KCNG2: variants seen among roughly 807,000 people sequenced by gnomAD.
The protein encoded by KCNG2 is voltage-gated potassium channel regulatory subunit KCNG2.
Under a neutral mutation model 12.3 loss-of-function variants are expected in KCNG2, and 7 were observed. The ratio of observed to expected loss-of-function variants is 0.57; its 90% CI spans 0.32 to 1.07. The LOEUF (loss-of-function observed/expected upper bound fraction) is 1.07, where lower values mean the gene tolerates loss of function less well. KCNG2 is among the 50% of genes least tolerant of loss of function. The probability of loss-of-function intolerance (pLI) is 0.04; values close to 1 mark genes in which losing one functional copy is unlikely to be tolerated. For synonymous variants in KCNG2, 414 were observed against 351.4 expected (o/e 1.18, Z -1.99); for missense variants, 703 against 726.0 (o/e 0.97, Z 0.36).
intron 3 of KCNG2, among the ~76,000 whole-genome samples, chr18:79,873,272 G>A (rs1043622792): frequency 3.3e-5 from 5 of 152,126 alleles, no homozygotes; most frequent in African/African-American, 1.2e-4. Flanking sequence ...TTTCTTCTTC[G>A]TGGACTTTGT....
intron 1 of KCNG2, among the ~76,000 whole-genome samples, chr18:79,830,134 G>T (rs1555692040): frequency 6.6e-6 from 1 of 152,184 alleles, no homozygotes; most frequent in East Asian, 1.9e-4. Flanking sequence ...GATTCTGCAG[G>T]TCCACGGAGC....
At chr18:79,815,441 CAA>C (rs760919178) in intron 1 of KCNG2, among the ~76,000 whole-genome samples, 240 of 78,766 alleles carry the variant, frequency 3.0e-3, no homozygotes, top group Middle Eastern at 7.4e-3. Flanking sequence ...AACCCTGCCT[CAA>C]AAAAAAAAAA....
chr18:79,838,183 TGTG>T (rs1265709331), intron 1 of KCNG2, among the ~76,000 whole-genome samples: 1 of 152,092 alleles, frequency 6.6e-6, no homozygotes, highest in East Asian at 1.9e-4. Flanking sequence ...TCCCTTGACA[TGTG>T]GTGATTACAA....
At chr18:79,896,725 G>A (rs1452908459) in intron 3 of KCNG2, among the ~76,000 whole-genome samples, 1 of 152,186 alleles carries the variant, frequency 6.6e-6, no homozygotes, top group Non-Finnish European at 1.5e-5. Context: ...CTTGCTTTCA[G>A]CCTGAAGAAC....
At chr18:79,869,216 G>A (rs541832045) in intron 3 of KCNG2, among the ~76,000 whole-genome samples, 4 of 152,186 alleles carry the variant, frequency 2.6e-5, no homozygotes, top group African/African-American at 4.8e-5. Flanking sequence ...TGCCCGCCCC[G>A]CGCTGAGTCT....
At chr18:79,848,431 C>T (rs890015984) in intron 1 of KCNG2, among the ~76,000 whole-genome samples, 1 of 152,214 alleles carries the variant, frequency 6.6e-6, no homozygotes, top group Admixed American at 6.5e-5. Flanking sequence ...CAGCACCGGC[C>T]ATCGTCAGCC....
rs561298332 is a variant in KCNG2 at position 79,846,208 on chromosome 18, T to TA, written c.-114-10165dup. Among the ~76,000 whole-genome samples, 234 of 145,840 alleles carry TA rather than the reference T, an allele frequency of 1.6e-3. 1 individual carries two copies. The highest frequency in any genetic ancestry group is 5.5e-3 in the African/African-American group (216 of 39,218). On this transcript the variant is annotated intron_variant, in intron 1 of 3. Coordinates refer to ENST00000316249, the MANE Select transcript of KCNG2 (RefSeq NM_012283.2). ...GAACATGGTGAAACCCTGTCTCTAC[T>TA]AAAAAATACAAAAAATTGGCCAGGC...
At chr18:79,835,597 G>A (rs796319986) in intron 1 of KCNG2, among the ~76,000 whole-genome samples, 1 of 152,324 alleles carries the variant, frequency 6.6e-6, no homozygotes, top group Non-Finnish European at 1.5e-5. Context: ...TCAGTGAACT[G>A]GAAGGTAGAA....
At chr18:79,833,036 T>G (rs1978304797) in intron 1 of KCNG2, among the ~76,000 whole-genome samples, 1 of 75,900 alleles carries the variant, frequency 1.3e-5, no homozygotes, top group African/African-American at 3.3e-5. Flanking sequence ...TTTTATAACT[T>G]TTTTTGAAAT....
At chr18:79,858,366 G>A (rs1443970327) in intron 2 of KCNG2, among the ~76,000 whole-genome samples, 1 of 152,174 alleles carries the variant, frequency 6.6e-6, no homozygotes, top group African/African-American at 2.4e-5. Context: ...CTTTCTCTTA[G>A]CATAGGTTTT....
intron 1 of KCNG2, among the ~76,000 whole-genome samples, chr18:79,802,730 T>C (rs74374836): frequency 2.7e-5 from 2 of 73,714 alleles, no homozygotes; most frequent in Non-Finnish European, 6.0e-5. Context: ...AGTTCCTGGC[T>C]TTTTTTTTTT....
In KCNG2 at chr18:79,805,245, C is replaced by T. The variant is rs1363108123; in HGVS notation, c.-115+7231C>T. Among the ~76,000 whole-genome samples the T allele has an allele frequency of 2.6e-5, 4 of 152,268 alleles. No individual in the cohort carries two copies. In the East Asian group the frequency reaches 5.8e-4, roughly 22 times the overall value. On this transcript the variant is annotated intron_variant, in intron 1 of 3. Coordinates refer to ENST00000316249, the MANE Select transcript of KCNG2 (RefSeq NM_012283.2). ...AAAGCTGTGCCAGATGCATCCTTCT[C>T]ATTCTCCGCCTCACCGCACTGCATT...
rs2087398990 is a variant in KCNG2 at position 79,800,352 on chromosome 18, C to A, written c.-115+2338C>A. Among the ~76,000 whole-genome samples, 1 of 152,124 alleles carries A rather than the reference C, an allele frequency of 6.6e-6. No homozygotes were observed. The highest frequency in any genetic ancestry group is 2.4e-5 in the African/African-American group (1 of 41,418). On this transcript the variant is annotated intron_variant, in intron 1 of 3. Coordinates refer to ENST00000316249, the MANE Select transcript of KCNG2 (RefSeq NM_012283.2). This position sits in a 1 kb window ranked among gnomAD's most constrained non-coding sequence, Gnocchi z 4.0. ...GGGCTAACGCTTGGTCAGGGATGTTCTTGGTGGTAAGGAAAGGAGCCATGG... is the reference window on the plus strand; with the variant it reads ...GGGCTAACGCTTGGTCAGGGATGTTATTGGTGGTAAGGAAAGGAGCCATGG...
At chr18:79,885,390 G>C (rs975819549) in intron 3 of KCNG2, among the ~76,000 whole-genome samples, 2 of 152,206 alleles carry the variant, frequency 1.3e-5, no homozygotes, top group African/African-American at 4.8e-5. Flanking sequence ...TGGGCTGAAA[G>C]TTCCGGAAAC....
At chr18:79,881,929 G>C (rs1980311793) in intron 3 of KCNG2, among the ~76,000 whole-genome samples, 1 of 152,154 alleles carries the variant, frequency 6.6e-6, no homozygotes, top group African/African-American at 2.4e-5. Context: ...CCGGCGTTTG[G>C]CAAAGTGAAA....
At chr18:79,834,385 T>A (rs1037515731) in intron 1 of KCNG2, among the ~76,000 whole-genome samples, 1 of 152,222 alleles carries the variant, frequency 6.6e-6, no homozygotes, top group African/African-American at 2.4e-5. Flanking sequence ...GCCACATGCT[T>A]CTGACACACA....
chr18:79,822,809 T>C lies in KCNG2; in HGVS notation c.-115+24795T>C, dbSNP rs141549008. Among the ~76,000 whole-genome samples the C allele has an allele frequency of 5.9e-5, 9 of 152,284 alleles. No individual in the cohort carries two copies. In the East Asian group the frequency reaches 1.5e-3, roughly 26 times the overall value. On this transcript the variant is annotated intron_variant, in intron 1 of 3. Coordinates refer to ENST00000316249, the MANE Select transcript of KCNG2 (RefSeq NM_012283.2). The surrounding 1 kb of genome is among the most constrained non-coding windows in gnomAD (Gnocchi z 4.4). ...TCTAGTCTTTAGCCTCCGGATTTCA[T>C]GGAAACACATTTTCCACAATTACCT...
At chr18:79,814,886 G>GGTAAAA (rs1399989099) in intron 1 of KCNG2, among the ~76,000 whole-genome samples, 2 of 151,062 alleles carry the variant, frequency 1.3e-5, no homozygotes, top group African/African-American at 2.4e-5. Flanking sequence ...GGGTGAGGAT[G>GGTAAAA]GCCATGTGCT....
At chr18:79,821,142 A>G (rs1468262416) in intron 1 of KCNG2, among the ~76,000 whole-genome samples, 1 of 152,094 alleles carries the variant, frequency 6.6e-6, no homozygotes. Context: ...CAGTTGATCT[A>G]TTTTTATTTT....
Sources: allele counts gnomAD v4.1 joint callset (sites outside exome capture counted in the v4.1 genomes callset), GRCh38; gene constraint gnomAD v4.1.1; non-coding constraint Gnocchi (gnomAD v3.1); transcripts MANE v1.5; gene names NCBI Gene and HGNC (gene_info 2026-07-23, HGNC 2026-07-21).